The following TIAM2 variants were observed in gnomAD, a reference collection of about 807,000 sequenced individuals.
The protein encoded by TIAM2 is TIAM Rac1 associated GEF 2.
In TIAM2, 80 loss-of-function variants were observed where a neutral mutation model predicts 152.9. The ratio of observed to expected loss-of-function variants is 0.52; its 90% CI spans 0.44 to 0.63. TIAM2 has a LOEUF of 0.63. Ranked by LOEUF, TIAM2 falls within the 30% of genes least tolerant of loss-of-function variation. The pLI, the probability that TIAM2 is intolerant of heterozygous loss-of-function variation, is 0.00. For missense variants in TIAM2, 1,965 were observed against 2,120.1 expected, an observed-to-expected ratio of 0.93 and a Z score of 1.44; for synonymous variants, 804 against 838.0, an observed-to-expected ratio of 0.96 and a Z score of 0.70.
At chr6:155,145,979 T>C (rs1020017286) in intron 6 of TIAM2, among the ~76,000 whole-genome samples, 1 of 152,222 alleles carries the variant, frequency 6.6e-6, no homozygotes, top group African/African-American at 2.4e-5. Context: ...TTAGTCTGAA[T>C]TGTAAGGAAG....
chr6:155,222,477 T>G (rs975052971), intron 15 of TIAM2, among the ~76,000 whole-genome samples: 1 of 151,914 alleles, frequency 6.6e-6, no homozygotes, highest in Non-Finnish European at 1.5e-5. Context: ...GGCTCGTTCC[T>G]GTAATCCCAG....
At chr6:155,072,495 G>A (rs931106675) in intron 1 of TIAM2, among the ~76,000 whole-genome samples, 8 of 152,160 alleles carry the variant, frequency 5.3e-5, no homozygotes, top group Non-Finnish European at 1.5e-5. Context: ...ATGGGTTCCT[G>A]TCTTTCCAGA....
intron 2 of TIAM2, among the ~76,000 whole-genome samples, chr6:155,093,052 C>T (rs1299749229): frequency 6.6e-6 from 1 of 152,100 alleles, no homozygotes; most frequent in African/African-American, 2.4e-5. Context: ...AAACTGTTTG[C>T]AAACATGCCA....
At chr6:155,144,812 C>T (rs191499749) in intron 6 of TIAM2, 34 bp downstream of exon 6, 2 of 1,562,662 alleles carry the variant, frequency 1.3e-6, no homozygotes, top group African/African-American at 2.8e-5. Flanking sequence ...GAGGTAATAG[C>T]TTATGTACTG....
chr6:155,167,587 C>T (rs886740802), intron 9 of TIAM2, among the ~76,000 whole-genome samples: 5 of 152,144 alleles, frequency 3.3e-5, no homozygotes, highest in Non-Finnish European at 7.3e-5. Context: ...AAATGTATTT[C>T]CTCATTATTG....
chr6:155,007,033 T>G (rs1778413090), intron 1 of TIAM2, among the ~76,000 whole-genome samples: 1 of 152,192 alleles, frequency 6.6e-6, no homozygotes, highest in South Asian at 2.1e-4. Flanking sequence ...GCCATGTTGC[T>G]CAGGCTGGTC....
intron 1 of TIAM2, among the ~76,000 whole-genome samples, chr6:155,021,204 C>G (rs1776473931): frequency 6.6e-6 from 1 of 152,160 alleles, no homozygotes; most frequent in African/African-American, 2.4e-5. Flanking sequence ...GTACAAATAT[C>G]TCTTCAAGAC....
chr6:155,099,255 TGTGTGTAATAA>T (rs1778498454), intron 2 of TIAM2, among the ~76,000 whole-genome samples: 1 of 140,540 alleles, frequency 7.1e-6, no homozygotes, highest in Non-Finnish European at 1.5e-5. Flanking sequence ...TGTGTGTGTG[TGTGTGTAATAA>T]AATATCTCAT....
intron 15 of TIAM2, among the ~76,000 whole-genome samples, chr6:155,240,031 C>T (rs1562367297): frequency 6.6e-6 from 1 of 152,224 alleles, no homozygotes; most frequent in Non-Finnish European, 1.5e-5. Context: ...AACTCCTGGC[C>T]CACTGTGGCC....
intron 1 of TIAM2, among the ~76,000 whole-genome samples, chr6:155,047,806 A>G (rs1028482092): frequency 4.0e-5 from 6 of 151,636 alleles, no homozygotes; most frequent in Non-Finnish European, 8.8e-5. Context: ...TTCTCTCTTC[A>G]CTTCGGGGAG....
At chr6:155,182,179 A>G (rs752981844) in intron 12 of TIAM2, 47 bp from the exon 13 acceptor site, 1 of 1,503,504 alleles carries the variant, frequency 6.7e-7, no homozygotes, top group Non-Finnish European at 9.3e-7. Context: ...GGAGAAATTC[A>G]GTGTGGTGGG....
intron 1 of TIAM2, among the ~76,000 whole-genome samples, chr6:155,089,522 G>A (rs1778251949): frequency 6.6e-6 from 1 of 152,116 alleles, no homozygotes; most frequent in South Asian, 2.1e-4. Flanking sequence ...TGTTTAATAA[G>A]TTATGAAATT....
intron 15 of TIAM2, among the ~76,000 whole-genome samples, chr6:155,219,994 G>A (rs919264389): frequency 3.9e-5 from 6 of 152,258 alleles, no homozygotes; most frequent in African/African-American, 4.8e-5. Flanking sequence ...ACAACAGAGC[G>A]TGGCAGGAAG....
chr6:155,212,778 GGGGTGTGTCAGTGAGCGCAGTGGTGAA>G (rs1396582596), intron 15 of TIAM2, among the ~76,000 whole-genome samples: 15 of 152,194 alleles, frequency 9.9e-5, no homozygotes, highest in South Asian at 2.1e-4. Context: ...AGAGTGGTGA[GGGGTGTGTCAGTGAGCGCAGTGGTGAA>G]GGGTGTGTCA....
At chr6:155,034,206 A>T (rs1439978383) in intron 1 of TIAM2, among the ~76,000 whole-genome samples, 2 of 152,038 alleles carry the variant, frequency 1.3e-5, no homozygotes, top group Admixed American at 6.5e-5. Context: ...CTGCCCAGTC[A>T]ATATAACTCT....
At chr6:155,079,058 G>GT (rs1554228688) in intron 1 of TIAM2, among the ~76,000 whole-genome samples, 7 of 150,942 alleles carry the variant, frequency 4.6e-5, no homozygotes, top group East Asian at 2.0e-4. Context: ...GTTTATCTTT[G>GT]TTTTTTTGTT....
intron 4 of TIAM2, among the ~76,000 whole-genome samples, chr6:155,132,098 G>A (rs946529527): frequency 6.6e-6 from 1 of 151,150 alleles, no homozygotes; most frequent in Non-Finnish European, 1.5e-5. Flanking sequence ...TAGGTAATTA[G>A]TGGCAATTGC....
At chr6:155,204,412 C>T (rs753338093) in intron 14 of TIAM2, among the ~76,000 whole-genome samples, 8 of 152,046 alleles carry the variant, frequency 5.3e-5, no homozygotes, top group Non-Finnish European at 8.8e-5. Context: ...AGCTTCCTCA[C>T]GGCTTCTGGA....
At chr6:155,066,202 CAGG>C (rs1777691176) in intron 1 of TIAM2, among the ~76,000 whole-genome samples, 1 of 40,224 alleles carries the variant, frequency 2.5e-5, no homozygotes, top group Non-Finnish European at 6.4e-5. Flanking sequence ...GCTGGGATTA[CAGG>C]CATGAGCCAC....
Sources: allele counts gnomAD v4.1 joint callset (sites outside exome capture counted in the v4.1 genomes callset), GRCh38; gene constraint gnomAD v4.1.1; transcripts MANE v1.5; gene names NCBI Gene and HGNC (gene_info 2026-07-23, HGNC 2026-07-21).